Variants in ALDOB observed in about 807,000 individuals in gnomAD.
ALDOB encodes the protein aldolase, fructose-bisphosphate B.
A neutral mutation model predicts 41.0 loss-of-function variants in ALDOB; 39 were observed. That is an observed-to-expected ratio of 0.95 (90% CI 0.74 to 1.24). ALDOB has a LOEUF of 1.24. ALDOB is among the 50% of genes most tolerant of loss of function. The probability of loss-of-function intolerance (pLI) is 0.00; values close to 1 mark genes in which losing one functional copy is unlikely to be tolerated. For missense variants in ALDOB, 530 were observed against 457.3 expected, an observed-to-expected ratio of 1.16 and a Z score of -1.45; for synonymous variants, 175 against 168.8, an observed-to-expected ratio of 1.04 and a Z score of -0.28.
At chr9:101,431,458 T>C (rs1831218008) in intron 1 of ALDOB, among the ~76,000 whole-genome samples, 1 of 152,220 alleles carries the variant, frequency 6.6e-6, no homozygotes, top group African/African-American at 2.4e-5. Flanking sequence ...AAGTTTCCTT[T>C]TCCTTATATT....
Position 101,427,654 on chromosome 9 carries a change from A to G in ALDOB, c.380-12T>C. On this transcript the variant is annotated splice_polypyrimidine_tract_variant and intron_variant, in intron 4 of 8. Transcript: ENST00000647789. ...GAGGCCATCAAGCCCTGCAAGTCAC[A>G]AAAGAGAGAAAGGCTTCTTTGTACC... is the stretch of plus-strand genomic sequence containing the variant. The G allele has an allele frequency of 6.2e-7, 1 of 1,613,966 alleles. No homozygotes were observed. Among genetic ancestry groups the G allele is most frequent in the East Asian group, 2.2e-5 (1 of 44,864 alleles).
rs200798661 is a variant in ALDOB at position 101,428,542 on chromosome 9, A to C, written c.325-19T>G. On this transcript the variant is annotated intron_variant, in intron 3 of 8. Coordinates refer to ENST00000647789, the MANE Select transcript of ALDOB (RefSeq NM_000035.4). ...GGTCTAACTGTGGATACAAATAATT[A>C]ACAGGTGTCAGATGTCAGGAAAACA... 1,074 of 1,605,392 alleles carry C rather than the reference A, an allele frequency of 6.7e-4. 5 individuals carry two copies. The highest frequency in any genetic ancestry group is 6.1e-3 in the Middle Eastern group (37 of 6,058).
chr9:101,429,693 G>A (rs1831185728), intron 3 of ALDOB, 62 bp downstream of exon 3: 2 of 1,466,300 alleles, frequency 1.4e-6, no homozygotes, highest in African/African-American at 2.8e-5. Context: ...CCCTGTCCTT[G>A]CCAGTGTGCT....
chr9:101,421,813 T>C lies in ALDOB; in HGVS notation c.1091A>G (p.Tyr364Cys). Residue 364 changes from tyrosine to cysteine, a missense_variant, in exon 9 of 9, where the codon TAC becomes TGC. Physicochemically the swap from Tyr to Cys is radical, Grantham distance 194. Coordinates refer to ENST00000647789, the MANE Select transcript of ALDOB (RefSeq NM_000035.4). ...TAGGCTGGCGGGCATTGGACCCTAG[T>C]AGGTATAGCAGGCTGTGAAGAGCGA... Reference protein sequence around the residue: ...TQSLFTACYTY With the variant: ...TQSLFTACYTC 1.9e-6 allele frequency: 3 copies of C among 1,613,828 alleles called. No homozygotes were observed. The highest frequency in any genetic ancestry group is 2.5e-6 in the Non-Finnish European group (3 of 1,179,894).
chr9:101,429,455 A>C (rs1426300607), intron 3 of ALDOB, among the ~76,000 whole-genome samples: 2 of 152,182 alleles, frequency 1.3e-5, no homozygotes, highest in Non-Finnish European at 1.5e-5. Flanking sequence ...AACCACGTCC[A>C]GCCTAGAAAC....
Position 101,421,373 on chromosome 9 carries a change from A to G in ALDOB, c.*436T>C, listed in dbSNP as rs919836112. On this transcript the variant is annotated 3_prime_UTR_variant, in exon 9 of 9. Transcript: ENST00000647789. ...GAGCAGAAAAGTGAAACCCGATAGC[A>G]GCTGAAGGTTTATAGAATATTTATT... 14 of 280,118 alleles carry G rather than the reference A, an allele frequency of 5.0e-5. No individual in the cohort carries two copies. Among genetic ancestry groups the G allele is most frequent in the Admixed American group, 1.4e-4 (3 of 20,922 alleles). 17.4% of individuals were successfully genotyped at this position (280,118 alleles called of 1,614,324 possible). A position where few individuals can be genotyped will look rare whatever the true frequency, so the allele number is the denominator to read the frequency against.
intron 4 of ALDOB, 108 bp downstream of exon 4, chr9:101,428,361 C>CT: frequency 9.6e-7 from 1 of 1,036,888 alleles, no homozygotes; most frequent in Non-Finnish European, 1.5e-6. Context: ...ACGTGTGGCT[C>CT]TAAGACCAGT....
rs1564077839 is a variant in ALDOB, at chr9:101,426,568, TACTGGC to T, written c.605_610del (p.Cys202_Gln203del). 1 of 1,610,154 alleles carries T rather than the reference TACTGGC, an allele frequency of 6.2e-7. No homozygotes were observed. Among genetic ancestry groups the T allele is most frequent in the Non-Finnish European group, 8.5e-7 (1 of 1,176,392 alleles). ...TTTAAAACTTACCTTCTCAGTAACA[TACTGGC>T]AGTGTTCCAGGTCATGGTCTCCATC... On this transcript the variant is annotated inframe_deletion, in exon 6 of 9. Coordinates refer to ENST00000647789, the MANE Select transcript of ALDOB (RefSeq NM_000035.4).
At chr9:101,433,774 C>T (rs1162942438) in intron 1 of ALDOB, among the ~76,000 whole-genome samples, 1 of 151,726 alleles carries the variant, frequency 6.6e-6, no homozygotes, top group Non-Finnish European at 1.5e-5. Context: ...TTCTTTCTTT[C>T]TTTTTTATTT....
intron 4 of ALDOB, among the ~76,000 whole-genome samples, chr9:101,427,869 A>G (rs918764342): frequency 1.3e-5 from 2 of 152,242 alleles, no homozygotes; most frequent in African/African-American, 4.8e-5. Context: ...ATAGAATAGA[A>G]GAAACCAATA....
At position 101,427,577 on chromosome 9, in the gene ALDOB, G is replaced by A. The variant is rs190464963; in HGVS notation, c.445C>T (p.Arg149Cys). The change falls in exon 5 of 9, where the codon CGT becomes TGT. Residue 149 changes from arginine (R) to cysteine (C), a missense_variant. Arg to Cys is a radical substitution (Grantham distance 180). Coordinates refer to ENST00000647789, the MANE Select transcript of ALDOB (RefSeq NM_000035.4). ...KKDGVDFGKW[R>C]AVLRIADQCP... ...TGGTCGGCAATCCTCAGCACAGCAC[G>A]CCACTTCCCAAAGTCAACACCATCT... 84 of 1,614,156 alleles carry A rather than the reference G, an allele frequency of 5.2e-5. No homozygotes were observed. Among genetic ancestry groups the A allele is most frequent in the Admixed American group, 2.2e-4 (13 of 60,014 alleles).
Position 101,425,514 on chromosome 9 carries a change from T to C in ALDOB, c.738A>G (p.Pro246=), listed in dbSNP as rs781139407. ...AGHACTKKYT[P]EQVAMATVTA... ...TTACGGTGGCCATAGCTACTTGTTC[T>C]GGAGTATACTTCTTGGTGCAGGCAT... The change falls in exon 7 of 9, where the codon CCA becomes CCG. Residue 246 remains proline, a synonymous_variant. Transcript: ENST00000647789. 4.3e-6 allele frequency: 7 copies of C among 1,614,168 alleles called. No homozygotes were observed. In the East Asian group the frequency reaches 8.9e-5, roughly 21 times the overall value.
rs1488672796 is a variant in ALDOB, at chr9:101,421,778, G to A, written c.*31C>T. Reference sequence around the variant, plus strand: ...CTCCCTTTCAGCCCTCCTACTAGAAGCACTGGAGCTAGGCTGGCGGGCATT... The same window carrying A: ...CTCCCTTTCAGCCCTCCTACTAGAAACACTGGAGCTAGGCTGGCGGGCATT... On this transcript the variant is annotated 3_prime_UTR_variant, in exon 9 of 9. Transcript: ENST00000647789. 2 of 1,587,192 alleles carry A rather than the reference G, an allele frequency of 1.3e-6. No homozygotes were observed. Among genetic ancestry groups the A allele is most frequent in the African/African-American group, 2.7e-5 (2 of 74,356 alleles).
chr9:101,424,719 A>T, intron 8 of ALDOB, 124 bp downstream of exon 8: 1 of 1,185,278 alleles, frequency 8.4e-7, no homozygotes. Flanking sequence ...CACATTTTCA[A>T]ATGCCTAATA....
At chr9:101,432,363 C>T (rs904232192) in intron 1 of ALDOB, among the ~76,000 whole-genome samples, 1 of 152,064 alleles carries the variant, frequency 6.6e-6, no homozygotes, top group South Asian at 2.1e-4. Flanking sequence ...GCATGTTTGC[C>T]CTGTTTATAT....
At chr9:101,424,798 C>A (rs762846866) in intron 8 of ALDOB, 45 bp downstream of exon 8, 2 of 1,607,104 alleles carry the variant, frequency 1.2e-6, no homozygotes, top group Non-Finnish European at 1.7e-6. Context: ...AGTCAAGCCC[C>A]AAATGTGAAC....
Position 101,423,151 on chromosome 9 carries a change from C to G in ALDOB, c.1000-1247G>C, listed in dbSNP as rs116715330. Among the ~76,000 whole-genome samples, 399 of 152,302 alleles carry G rather than the reference C, an allele frequency of 2.6e-3. 2 individuals are homozygous for G. Among genetic ancestry groups the G allele is most frequent in the African/African-American group, 8.6e-3 (358 of 41,556 alleles). On this transcript the variant is annotated intron_variant, in intron 8 of 8. Transcript: ENST00000647789. ...GCACTACTTTGAAAATCTGATACCT[C>G]TCTTATGCCTGTGAGATGATGATTT...
chr9:101,432,363 C>G (rs904232192), intron 1 of ALDOB, among the ~76,000 whole-genome samples: 1 of 152,064 alleles, frequency 6.6e-6, no homozygotes, highest in African/African-American at 2.4e-5. Context: ...GCATGTTTGC[C>G]CTGTTTATAT....
Position 101,426,587 on chromosome 9 carries a change from C to G in ALDOB, c.592G>C (p.Asp198His), listed in dbSNP as rs1270251408. ...GTAACATACTGGCAGTGTTCCAGGT[C>G]ATGGTCTCCATCAGGAATTACCTCT... ...EPEVIPDGDHDLEHCQYVTEK... is the reference protein window; with the variant it reads ...EPEVIPDGDHHLEHCQYVTEK... Residue 198 changes from aspartate (D) to histidine (H), a missense_variant, in exon 6 of 9, where the codon GAC becomes CAC. Physicochemically the swap from Asp to His is moderately conservative, Grantham distance 81. Coordinates refer to ENST00000647789, the MANE Select transcript of ALDOB (RefSeq NM_000035.4). 11 of 1,613,076 alleles carry G rather than the reference C, an allele frequency of 6.8e-6. No individual in the cohort carries two copies. Among genetic ancestry groups the G allele is most frequent in the Non-Finnish European group, 9.3e-6 (11 of 1,179,180 alleles).
Sources: gnomAD v4.1 joint callset for allele counts (sites outside exome capture counted in the v4.1 genomes callset) on GRCh38, gnomAD v4.1.1 for gene constraint, MANE v1.5 for transcripts, NCBI Gene and HGNC (gene_info 2026-07-23, HGNC 2026-07-21) for gene names.